Variants in FOXN3 observed in about 807,000 individuals in gnomAD.
FOXN3 encodes the protein forkhead box protein N3.
In FOXN3, 7 loss-of-function variants were observed where a neutral mutation model predicts 38.4. The observed-to-expected ratio is 0.18, with a 90% CI of 0.10 to 0.34. FOXN3 has a LOEUF of 0.34. Among genes scored for constraint, FOXN3 ranks in the 10% least tolerant of loss-of-function variants. FOXN3 has a pLI of 1.00. For missense variants in FOXN3, 456 were observed against 613.4 expected (o/e 0.74, Z 2.71); for synonymous variants, 230 against 242.2 (o/e 0.95, Z 0.47).
At chr14:89,545,544 G>A (rs1185943666) in intron 1 of FOXN3, among the ~76,000 whole-genome samples, 5 of 152,216 alleles carry the variant, frequency 3.3e-5, no homozygotes, top group African/African-American at 1.2e-4. Flanking sequence ...CCATTACACC[G>A]TTAGTCAGTT....
intron 3 of FOXN3, among the ~76,000 whole-genome samples, chr14:89,337,841 G>A (rs1888510386): frequency 6.6e-6 from 1 of 152,084 alleles, no homozygotes; most frequent in South Asian, 2.1e-4. Context: ...TGTTGGCCAG[G>A]CTGGTCTTGA....
intron 1 of FOXN3, among the ~76,000 whole-genome samples, chr14:89,415,220 G>C (rs1891661805): frequency 6.6e-6 from 1 of 152,154 alleles, no homozygotes; most frequent in South Asian, 2.1e-4. Flanking sequence ...TATGTCTCCT[G>C]AGCTTCCAAA....
chr14:89,298,653 A>G (rs1177534541), intron 3 of FOXN3, among the ~76,000 whole-genome samples: 1 of 152,172 alleles, frequency 6.6e-6, no homozygotes, highest in African/African-American at 2.4e-5. Context: ...TCTAGAAATA[A>G]GGGCTGGTTT....
intron 2 of FOXN3, among the ~76,000 whole-genome samples, chr14:89,405,307 T>C (rs1891359733): frequency 6.6e-6 from 1 of 152,010 alleles, no homozygotes; most frequent in Non-Finnish European, 1.5e-5. Context: ...CGGCTACTTT[T>C]TGTATTTTTA....
chr14:89,580,238 C>T (rs2139909178), intron 1 of FOXN3, among the ~76,000 whole-genome samples: 1 of 152,310 alleles, frequency 6.6e-6, no homozygotes, highest in Middle Eastern at 3.4e-3. Flanking sequence ...TACCTCATCT[C>T]TAAAATGGAT....
At position 89,204,093 on chromosome 14, in the gene FOXN3, ACACACACAC is replaced by A. The variant is rs1347042963; in HGVS notation, c.746-23296_746-23288del. 1.4e-3 allele frequency among the ~76,000 whole-genome samples: 196 copies of A among 138,920 alleles called. 1 individual carries two copies. The highest frequency in any genetic ancestry group is 4.8e-3 in the African/African-American group (171 of 35,266). The allele number at this position is 138,920 out of a possible 152,430, so 91.1% of individuals were successfully genotyped here. On this transcript the variant is annotated intron_variant, in intron 4 of 5. Transcript: ENST00000557258. ...CACACACACACACACACACACACAC[ACACACACAC>A]AACTACTACTACAACCACCCACAGG...
chr14:89,245,444 T>C (rs1355996539), intron 4 of FOXN3, among the ~76,000 whole-genome samples: 1 of 151,134 alleles, frequency 6.6e-6, no homozygotes, highest in African/African-American at 2.4e-5. Flanking sequence ...TCAAAATTCC[T>C]TGGCCTTTAG....
At chr14:89,497,196 T>A (rs937190427) in intron 1 of FOXN3, among the ~76,000 whole-genome samples, 1 of 152,160 alleles carries the variant, frequency 6.6e-6, no homozygotes, top group African/African-American at 2.4e-5. Flanking sequence ...CCTCAGGTGA[T>A]CCACCTGCCT....
chr14:89,529,131 T>C (rs1894499150), intron 1 of FOXN3, among the ~76,000 whole-genome samples: 3 of 152,174 alleles, frequency 2.0e-5, no homozygotes, highest in South Asian at 4.1e-4. Context: ...CCATTACCCA[T>C]CAATCCCAAA....
intron 1 of FOXN3, among the ~76,000 whole-genome samples, chr14:89,550,521 G>C (rs1894982177): frequency 1.3e-5 from 2 of 152,148 alleles, no homozygotes; most frequent in Non-Finnish European, 2.9e-5. Context: ...GAAACCAACA[G>C]ACTCTGCATC....
At chr14:89,455,115 G>C (rs576089553) in intron 1 of FOXN3, among the ~76,000 whole-genome samples, 1 of 152,158 alleles carries the variant, frequency 6.6e-6, no homozygotes, top group African/African-American at 2.4e-5. Context: ...CTTTCTTCCC[G>C]CATTCCAGTT....
At chr14:89,247,653 A>T (rs1885336391) in intron 4 of FOXN3, among the ~76,000 whole-genome samples, 1 of 152,152 alleles carries the variant, frequency 6.6e-6, no homozygotes, top group African/African-American at 2.4e-5. Flanking sequence ...CTAGGCTATG[A>T]CTATAGCCTT....
In FOXN3 at chr14:89,586,931, A is replaced by G. The variant is rs149743242; in HGVS notation, c.-15+32097T>C. 1.9e-3 allele frequency among the ~76,000 whole-genome samples: 285 copies of G among 152,392 alleles called. 2 individuals carry two copies. The highest frequency in any genetic ancestry group is 3.2e-3 in the Non-Finnish European group (220 of 68,042). ...CTGTTGTCCTTGAAGGTCTCTATGA[A>G]GAGCTCACTGTATGTACTAGGCAGT... On this transcript the variant is annotated intron_variant, in intron 1 of 6. Transcript: ENST00000345097.
intron 2 of FOXN3, among the ~76,000 whole-genome samples, chr14:89,367,510 G>A (rs1352796146): frequency 6.6e-6 from 1 of 152,132 alleles, no homozygotes; most frequent in Non-Finnish European, 1.5e-5. Flanking sequence ...AAGCACCCGG[G>A]AACCAGAGGA....
At chr14:89,358,120 T>C (rs1038855050) in intron 2 of FOXN3, among the ~76,000 whole-genome samples, 1 of 152,210 alleles carries the variant, frequency 6.6e-6, no homozygotes, top group Admixed American at 6.5e-5. Flanking sequence ...ATAGTCTCTG[T>C]AGGTCACATG....
At chr14:89,298,470 T>C (rs867010176) in intron 3 of FOXN3, among the ~76,000 whole-genome samples, 80 of 92,682 alleles carry the variant, frequency 8.6e-4, no homozygotes, top group African/African-American at 3.0e-3. Flanking sequence ...ACTCCGTCTA[T>C]TTAAAAAAAA....
intron 4 of FOXN3, among the ~76,000 whole-genome samples, chr14:89,218,814 AGGT>A (rs1309529485): frequency 6.6e-6 from 1 of 152,160 alleles, no homozygotes; most frequent in Non-Finnish European, 1.5e-5. Context: ...GTGAAATGAG[AGGT>A]CTGGACTGAA....
At chr14:89,415,604 CAAAAAAAAAAAAAAA>C (rs34026101) in intron 1 of FOXN3, among the ~76,000 whole-genome samples, 2 of 54,272 alleles carry the variant, frequency 3.7e-5, no homozygotes, top group African/African-American at 1.1e-4. Flanking sequence ...CAACAATAAC[CAAAAAAAAAAAAAAA>C]AAAAAAAAAA....
At chr14:89,273,915 G>A (rs1236439888) in intron 4 of FOXN3, among the ~76,000 whole-genome samples, 1 of 152,206 alleles carries the variant, frequency 6.6e-6, no homozygotes, top group African/African-American at 2.4e-5. Flanking sequence ...GGTGTTGGGG[G>A]GAATGGAGAG....
Sources: gnomAD v4.1 joint callset for allele counts (sites outside exome capture counted in the v4.1 genomes callset) on GRCh38, gnomAD v4.1.1 for gene constraint, MANE v1.5 for transcripts, NCBI Gene and HGNC (gene_info 2026-07-23, HGNC 2026-07-21) for gene names.